The following FAM222B variants were observed in gnomAD, a reference collection of about 807,000 sequenced individuals.
The protein encoded by FAM222B is family with sequence similarity 222 member B.
A neutral mutation model predicts 38.0 loss-of-function variants in FAM222B; 12 were observed. That is an observed-to-expected ratio of 0.32 (90% CI 0.20 to 0.51). FAM222B has a LOEUF of 0.51. FAM222B is among the 20% of genes least tolerant of loss of function. The pLI, the probability that FAM222B is intolerant of heterozygous loss-of-function variation, is 0.97. For missense variants in FAM222B, 716 were observed against 754.2 expected (o/e 0.95, Z 0.59); for synonymous variants, 329 against 317.2 (o/e 1.04, Z -0.40).
chr17:28,816,030 C>G (rs1173594831), intron 1 of FAM222B, among the ~76,000 whole-genome samples: 2 of 150,846 alleles, frequency 1.3e-5, no homozygotes, highest in Non-Finnish European at 2.9e-5. Context: ...ATCCTAGCAC[C>G]TTGGGATGCT....
chr17:28,818,557 AAAAAAT>A (rs1019684918), intron 1 of FAM222B, among the ~76,000 whole-genome samples: 51 of 151,624 alleles, frequency 3.4e-4, no homozygotes, highest in East Asian at 1.8e-3. Flanking sequence ...GAATAAAAAT[AAAAAAT>A]AAAAATAAAA....
chr17:28,818,388 C>T (rs1187415519), intron 1 of FAM222B, among the ~76,000 whole-genome samples: 3 of 151,144 alleles, frequency 2.0e-5, no homozygotes, highest in Admixed American at 6.6e-5. Flanking sequence ...ATTAGCTGGG[C>T]GTGGTGGTGG....
At chr17:28,854,845 CTAAA>C (rs1295443107) in intron 1 of FAM222B, 6 of 605,350 alleles carry the variant, frequency 9.9e-6, no homozygotes, top group Non-Finnish European at 1.7e-5. Flanking sequence ...TGCACAGACT[CTAAA>C]TACACATTTT....
At chr17:28,788,801 A>T (rs2036532678) in intron 1 of FAM222B, among the ~76,000 whole-genome samples, 1 of 151,856 alleles carries the variant, frequency 6.6e-6, no homozygotes, top group Non-Finnish European at 1.5e-5. Flanking sequence ...GAGCGCAGTG[A>T]TGCAATATTG....
intron 1 of FAM222B, among the ~76,000 whole-genome samples, chr17:28,782,929 A>C (rs1202818390): frequency 6.6e-6 from 1 of 152,078 alleles, no homozygotes; most frequent in Non-Finnish European, 1.5e-5. Context: ...CGAGGTCAGG[A>C]GATCGAGACC....
chr17:28,846,396 T>C (rs2039146356), upstream of FAM222B, among the ~76,000 whole-genome samples: 2 of 151,680 alleles, frequency 1.3e-5, no homozygotes. Flanking sequence ...AAAAAAAATG[T>C]TCAGGCCAGG....
intron 1 of FAM222B, among the ~76,000 whole-genome samples, chr17:28,821,866 G>A (rs1292942298): frequency 6.6e-6 from 1 of 152,004 alleles, no homozygotes; most frequent in Non-Finnish European, 1.5e-5. Flanking sequence ...GGAGGCTGAG[G>A]CAGGAGAATC....
chr17:28,854,540 C>T (rs946637600), intron 1 of FAM222B, among the ~76,000 whole-genome samples: 4 of 152,176 alleles, frequency 2.6e-5, no homozygotes, highest in African/African-American at 7.2e-5. Flanking sequence ...TGCAGACAGC[C>T]CGGGGCCACC....
Position 28,789,656 on chromosome 17 carries a change from T to C in FAM222B, c.-40-22949A>G, listed in dbSNP as rs369992940. On this transcript the variant is annotated intron_variant, in intron 1 of 2. Transcript: ENST00000581407. ...GGATGCAGTGATCACTCCCACCCAA[T>C]TGCAATGAGCCCCAACAGGGCCTAC... Among the ~76,000 whole-genome samples, 64 of 152,268 alleles carry C rather than the reference T, an allele frequency of 4.2e-4. No individual in the cohort carries two copies. In the South Asian group the frequency reaches 0.013, roughly 30 times the overall value.
chr17:28,764,388 G>A (rs1455884978), intron 2 of FAM222B, among the ~76,000 whole-genome samples: 14 of 151,798 alleles, frequency 9.2e-5, no homozygotes, highest in Admixed American at 9.2e-4. Flanking sequence ...GTTGCAGTGA[G>A]CCGAGATCGT....
chr17:28,814,337 TAAAAC>T (rs2037933147), intron 1 of FAM222B, among the ~76,000 whole-genome samples: 1 of 152,172 alleles, frequency 6.6e-6, no homozygotes. Context: ...TACTATAATT[TAAAAC>T]AAAACAAAAC....
Position 28,758,489 on chromosome 17 carries a change from A to C in FAM222B, c.1470T>G (p.Ala490=). ...TCCCTGCTCGGTAGTGGGCCCCGGG[A>C]GCTGCCGCACAGTCGAGGGGTGCAC... ...PTGAPLDCAA[A]PGAHYRAGTG... The change falls in exon 3 of 3, where the codon GCT becomes GCG. Residue 490 remains alanine (A), a synonymous_variant. Coordinates refer to ENST00000581407, the MANE Select transcript of FAM222B (RefSeq NM_001077498.3). 1 of 1,613,038 alleles carries C rather than the reference A, an allele frequency of 6.2e-7. No individual in the cohort carries two copies. Among genetic ancestry groups the C allele is most frequent in the Non-Finnish European group, 8.5e-7 (1 of 1,179,742 alleles).
chr17:28,815,335 T>A lies in FAM222B; in HGVS notation c.-41+27347A>T, dbSNP rs769626637. 8.0e-4 allele frequency among the ~76,000 whole-genome samples: 121 copies of A among 151,868 alleles called. No individual in the cohort carries two copies. In the Middle Eastern group the frequency reaches 0.017, roughly 21 times the overall value. The stretch of plus-strand genomic sequence containing the variant: ...TTCATGCCATTCTCCTGCCTCAGCC[T>A]CCCAAGTAGCTGAGACTACAGGTGC... On this transcript the variant is annotated intron_variant, in intron 1 of 2. Transcript: ENST00000581407.
At chr17:28,833,918 C>A (rs1490106848) in intron 1 of FAM222B, among the ~76,000 whole-genome samples, 1 of 152,110 alleles carries the variant, frequency 6.6e-6, no homozygotes, top group African/African-American at 2.4e-5. Context: ...ATCCTATATA[C>A]CAAAATCAAA....
chr17:28,771,837 G>A (rs1334693569), intron 1 of FAM222B, among the ~76,000 whole-genome samples: 8 of 151,994 alleles, frequency 5.3e-5, no homozygotes, highest in African/African-American at 1.9e-4. Flanking sequence ...GGCGGATCAC[G>A]AGGTCAGGAG....
chr17:28,793,675 C>T (rs1214302503), intron 1 of FAM222B, among the ~76,000 whole-genome samples: 17 of 151,878 alleles, frequency 1.1e-4, no homozygotes, highest in Non-Finnish European at 1.5e-5. Flanking sequence ...TTATCCCCTA[C>T]TTTAAACAAA....
intron 1 of FAM222B, among the ~76,000 whole-genome samples, chr17:28,789,383 C>T (rs1043800552): frequency 6.6e-6 from 1 of 150,976 alleles, no homozygotes; most frequent in Non-Finnish European, 1.5e-5. Context: ...ATTCTTAGTA[C>T]ACACGGGGTT....
At position 28,808,794 on chromosome 17, in the gene FAM222B, CTGACAAT is replaced by C. The variant is rs2037608795; in HGVS notation, c.-41+33881_-41+33887del. ...TGCATCCATTGTTCTAAATAAGTCT[CTGACAAT>C]TGACAGAGCATTCTCAGAGTCTCCT... is the stretch of plus-strand genomic sequence containing the variant. On this transcript the variant is annotated intron_variant, in intron 1 of 2. Transcript: ENST00000581407. 7.2e-5 allele frequency among the ~76,000 whole-genome samples: 11 copies of C among 152,338 alleles called. No individual in the cohort carries two copies. The South Asian group carries it at 2.3e-3, about 32-fold the overall frequency.
intron 1 of FAM222B, among the ~76,000 whole-genome samples, chr17:28,778,753 TG>T (rs1406463259): frequency 1.8e-4 from 19 of 103,800 alleles, no homozygotes; most frequent in African/African-American, 7.2e-4. Flanking sequence ...TTGGTAGAAG[TG>T]GGGTTTTGCC....
Sources: allele counts gnomAD v4.1 joint callset (sites outside exome capture counted in the v4.1 genomes callset), GRCh38; gene constraint gnomAD v4.1.1; transcripts MANE v1.5; gene names NCBI Gene and HGNC (gene_info 2026-07-23, HGNC 2026-07-21).